ENOX1: variants seen among roughly 807,000 people sequenced by gnomAD.
ENOX1 encodes the protein ecto-NOX disulfide-thiol exchanger 1.
In ENOX1, 42 loss-of-function variants were observed where a neutral mutation model predicts 82.5. That is an observed-to-expected ratio of 0.51 (90% CI 0.40 to 0.66). The LOEUF (loss-of-function observed/expected upper bound fraction) is 0.66, where lower values mean the gene tolerates loss of function less well. Ranked by LOEUF, ENOX1 falls within the 30% of genes least tolerant of loss-of-function variation. The pLI is 0.00. For synonymous variants in ENOX1, 271 were observed against 282.2 expected (o/e 0.96, Z 0.40); for missense variants, 608 against 811.6 (o/e 0.75, Z 3.05).
At chr13:43,337,750 CAT>C (rs762208574) in intron 9 of ENOX1, among the ~76,000 whole-genome samples, 28 of 151,916 alleles carry the variant, frequency 1.8e-4, no homozygotes, top group Admixed American at 2.6e-4. Context: ...CACACACACA[CAT>C]ACACACACAC....
intron 2 of ENOX1, among the ~76,000 whole-genome samples, chr13:43,633,344 T>C (rs1201585170): frequency 6.6e-6 from 1 of 152,282 alleles, no homozygotes; most frequent in Middle Eastern, 3.4e-3. Context: ...CCAGTATCTA[T>C]CATAATGCAA....
intron 3 of ENOX1, among the ~76,000 whole-genome samples, chr13:43,460,817 AAAAAAAAAAAAAAT>A (rs772927368): frequency 0.15 from 4,882 of 33,128 alleles, 973 homozygotes; most frequent in African/African-American, 0.27. Flanking sequence ...AAAAAAAAAA[AAAAAAAAAAAAAAT>A]AGGGATAGCT....
intron 2 of ENOX1, among the ~76,000 whole-genome samples, chr13:43,620,564 C>T (rs2082680724): frequency 6.6e-6 from 1 of 151,970 alleles, no homozygotes; most frequent in Non-Finnish European, 1.5e-5. Context: ...TTGAAGGTTC[C>T]TTTTGGAGTT....
chr13:43,592,870 A>G (rs2081305175), intron 2 of ENOX1, among the ~76,000 whole-genome samples: 1 of 152,210 alleles, frequency 6.6e-6, no homozygotes, highest in Non-Finnish European at 1.5e-5. Flanking sequence ...CACATTAAAA[A>G]TTGATCTCAA....
intron 2 of ENOX1, among the ~76,000 whole-genome samples, chr13:43,486,679 G>T (rs2076431728): frequency 6.6e-6 from 1 of 152,158 alleles, no homozygotes; most frequent in Non-Finnish European, 1.5e-5. Flanking sequence ...TAATAATGGG[G>T]TCTGAAACCA....
intron 2 of ENOX1, among the ~76,000 whole-genome samples, chr13:43,588,672 A>C (rs1397669638): frequency 6.6e-6 from 1 of 152,188 alleles, no homozygotes; most frequent in Non-Finnish European, 1.5e-5. Flanking sequence ...GATAGACTAC[A>C]CTAGTTTCAA....
chr13:43,493,679 G>C (rs2076698085), intron 2 of ENOX1, among the ~76,000 whole-genome samples: 1 of 152,138 alleles, frequency 6.6e-6, no homozygotes, highest in Non-Finnish European at 1.5e-5. Flanking sequence ...GATTCCCCTG[G>C]GGGCAGGCCT....
At chr13:43,623,240 C>T (rs774814971) in intron 2 of ENOX1, among the ~76,000 whole-genome samples, 7 of 152,124 alleles carry the variant, frequency 4.6e-5, no homozygotes, top group African/African-American at 1.2e-4. Flanking sequence ...GTCTGCACAC[C>T]GGATTTGCGC....
At chr13:43,698,330 C>A (rs2086740878) in intron 1 of ENOX1, among the ~76,000 whole-genome samples, 1 of 152,142 alleles carries the variant, frequency 6.6e-6, no homozygotes, top group Non-Finnish European at 1.5e-5. Context: ...CACATTCAAT[C>A]TTGACCTGGA....
chr13:43,737,856 CA>C (rs1298442714), intron 1 of ENOX1, among the ~76,000 whole-genome samples: 1 of 152,178 alleles, frequency 6.6e-6, no homozygotes, highest in Non-Finnish European at 1.5e-5. Context: ...GGCCCTTACA[CA>C]GCAAACATAC....
chr13:43,656,735 T>G (rs1468476146), intron 2 of ENOX1, among the ~76,000 whole-genome samples: 1 of 152,186 alleles, frequency 6.6e-6, no homozygotes, highest in Admixed American at 6.5e-5. Flanking sequence ...GGGCACCAAA[T>G]AGACCACGCT....
At chr13:43,636,297 A>G (rs1268303726) in intron 2 of ENOX1, among the ~76,000 whole-genome samples, 1 of 152,200 alleles carries the variant, frequency 6.6e-6, no homozygotes, top group Non-Finnish European at 1.5e-5. Flanking sequence ...AAACGATAAC[A>G]TCTTCTTGAA....
chr13:43,772,456 A>G (rs1951688533), intron 1 of ENOX1, among the ~76,000 whole-genome samples: 1 of 152,134 alleles, frequency 6.6e-6, no homozygotes, highest in Non-Finnish European at 1.5e-5. Flanking sequence ...GACTGTTGGC[A>G]GCCTTCAATC....
intron 3 of ENOX1, among the ~76,000 whole-genome samples, chr13:43,479,405 G>A (rs1364925376): frequency 1.3e-5 from 2 of 152,126 alleles, no homozygotes; most frequent in Admixed American, 1.3e-4. Context: ...TCCGTTCTCA[G>A]TAACTGACCG....
intron 7 of ENOX1, among the ~76,000 whole-genome samples, chr13:43,356,450 TATC>T (rs2050163687): frequency 6.6e-6 from 1 of 152,136 alleles, no homozygotes; most frequent in South Asian, 2.1e-4. Flanking sequence ...ACTAGGGTCT[TATC>T]ATGATCATTC....
chr13:43,588,401 T>C (rs890914824), intron 2 of ENOX1, among the ~76,000 whole-genome samples: 15 of 152,228 alleles, frequency 9.9e-5, no homozygotes, highest in African/African-American at 3.6e-4. Flanking sequence ...CAATCAGTAA[T>C]CGTCATAACG....
intron 16 of ENOX1, among the ~76,000 whole-genome samples, chr13:43,220,437 T>C (rs766577228): frequency 1.1e-4 from 17 of 152,178 alleles, no homozygotes; most frequent in Non-Finnish European, 2.5e-4. Flanking sequence ...CCCTACCCAA[T>C]TTAGCACTTC....
At chr13:43,482,140 G>A (rs2058530072) in intron 3 of ENOX1, among the ~76,000 whole-genome samples, 2 of 151,944 alleles carry the variant, frequency 1.3e-5, no homozygotes. Context: ...TCACTTCTGG[G>A]TACATATCAA....
chr13:43,668,761 T>C (rs1001214721), intron 1 of ENOX1, among the ~76,000 whole-genome samples: 2 of 152,132 alleles, frequency 1.3e-5, no homozygotes, highest in Non-Finnish European at 2.9e-5. Context: ...ACTTAGAAAG[T>C]ACCTGACCCA....
Sources: allele counts gnomAD v4.1 joint callset (sites outside exome capture counted in the v4.1 genomes callset), GRCh38; gene constraint gnomAD v4.1.1; transcripts MANE v1.5; gene names NCBI Gene and HGNC (gene_info 2026-07-23, HGNC 2026-07-21).